Variants in TASP1 observed in about 807,000 individuals in gnomAD.
TASP1 encodes threonine aspartase 1.
Under a neutral mutation model 56.6 loss-of-function variants are expected in TASP1, and 16 were observed. The ratio of observed to expected loss-of-function variants is 0.28; its 90% confidence interval spans 0.19 to 0.43. The LOEUF (loss-of-function observed/expected upper bound fraction) is 0.43. TASP1 is among the 20% of genes least tolerant of loss of function. The probability of loss-of-function intolerance (pLI) is 1.00; values close to 1 mark genes in which losing one functional copy is unlikely to be tolerated. For missense variants in TASP1, 393 were observed against 511.6 expected (o/e 0.77, Z 2.24); for synonymous variants, 179 against 184.2 (o/e 0.97, Z 0.23).
At chr20:13,495,400 T>C (rs1422068524) in intron 10 of TASP1, among the ~76,000 whole-genome samples, 4 of 152,186 alleles carry the variant, frequency 2.6e-5, no homozygotes, top group African/African-American at 9.6e-5. Flanking sequence ...TCATTGCTTA[T>C]CCCTTTCTCT....
At chr20:13,390,824 T>A (rs2041243826) in intron 13 of TASP1, among the ~76,000 whole-genome samples, 1 of 152,214 alleles carries the variant, frequency 6.6e-6, no homozygotes, top group African/African-American at 2.4e-5. Context: ...GTAATTTGTA[T>A]ATGTTTTGTC....
At chr20:13,616,642 TAA>T (rs542480237) in intron 4 of TASP1, among the ~76,000 whole-genome samples, 1 of 144,778 alleles carries the variant, frequency 6.9e-6, no homozygotes. Context: ...TTTTATTCTT[TAA>T]AAAAAAAAAA....
At chr20:13,356,189 T>C in the TASP1 span, among the ~76,000 whole-genome samples, 1 of 152,200 alleles carries the variant, frequency 6.6e-6, no homozygotes, top group Non-Finnish European at 1.5e-5. Flanking sequence ...GGATGTGCCA[T>C]TGAGATGTTA....
chr20:13,514,458 T>C (rs1255131592), intron 10 of TASP1, among the ~76,000 whole-genome samples: 2 of 152,076 alleles, frequency 1.3e-5, no homozygotes, highest in Non-Finnish European at 2.9e-5. Flanking sequence ...TTCTCCTCCA[T>C]AAGGAAAGGT....
chr20:13,390,160 TCACA>T lies in TASP1; in HGVS notation c.*196_*199del, dbSNP rs960474794. 73 of 547,782 alleles carry T rather than the reference TCACA, an allele frequency of 1.3e-4. No individual in the cohort carries two copies. Among genetic ancestry groups the T allele is most frequent in the Admixed American group, 1.2e-3 (40 of 32,568 alleles). 33.9% of individuals were successfully genotyped at this position (547,782 alleles called of 1,614,324 possible). A position where few individuals can be genotyped will look rare whatever the true frequency, so the allele number is the denominator to read the frequency against. On this transcript the variant is annotated 3_prime_UTR_variant, in exon 14 of 14. Transcript: ENST00000337743. Reference sequence around the variant, plus strand: ...TATGTGCGCACATACGCGCACACACTCACACACAGTCCCGCTCACCCACCAAAGG... The same window carrying T: ...TATGTGCGCACATACGCGCACACACTCACAGTCCCGCTCACCCACCAAAGG...
the TASP1 span, chr20:13,164,267 G>A: frequency 8.8e-6 from 4 of 456,228 alleles, no homozygotes; most frequent in Admixed American, 2.5e-5. Flanking sequence ...ACAGAGATGA[G>A]TATTTAAAAG....
At chr20:13,145,336 C>T in the TASP1 span, among the ~76,000 whole-genome samples, 5 of 152,138 alleles carry the variant, frequency 3.3e-5, no homozygotes, top group African/African-American at 1.2e-4. Flanking sequence ...CATTTCTATA[C>T]ACCAACAACA....
chr20:13,234,063 T>C, the TASP1 span, among the ~76,000 whole-genome samples: 139 of 152,304 alleles, frequency 9.1e-4, 2 homozygotes, highest in African/African-American at 3.3e-3. Flanking sequence ...AGTGTACTCA[T>C]CACCTGAGTA....
chr20:13,177,144 G>C, the TASP1 span, among the ~76,000 whole-genome samples: 1 of 152,110 alleles, frequency 6.6e-6, no homozygotes, highest in Non-Finnish European at 1.5e-5. Flanking sequence ...GGGAGGCTGA[G>C]GCAGGAGAAT....
downstream of TASP1, among the ~76,000 whole-genome samples, chr20:13,384,590 A>G (rs1052232582): frequency 6.6e-6 from 1 of 152,170 alleles, no homozygotes; most frequent in African/African-American, 2.4e-5. Flanking sequence ...CTTGAATGCA[A>G]ATTAAGTGCT....
At chr20:13,345,876 G>T in the TASP1 span, among the ~76,000 whole-genome samples, 3 of 145,856 alleles carry the variant, frequency 2.1e-5, no homozygotes, top group East Asian at 4.1e-4. Flanking sequence ...ACATACAGTT[G>T]GTCTCTTTGG....
chr20:13,579,014 G>A (rs1374786717), intron 6 of TASP1, among the ~76,000 whole-genome samples: 1 of 152,086 alleles, frequency 6.6e-6, no homozygotes, highest in Non-Finnish European at 1.5e-5. Flanking sequence ...ATTCGTAGGT[G>A]AACTTCAAAA....
At chr20:13,119,647 TTC>T in the TASP1 span, among the ~76,000 whole-genome samples, 29 of 152,306 alleles carry the variant, frequency 1.9e-4, no homozygotes, top group Middle Eastern at 3.4e-3. Flanking sequence ...CTCCCCACCT[TTC>T]TCTGTCTTCT....
the TASP1 span, chr20:13,117,619 G>A: frequency 2.4e-5 from 39 of 1,613,944 alleles, no homozygotes; most frequent in Middle Eastern, 3.3e-4. Context: ...CCAACCGGCC[G>A]GGGTGTCACG....
At chr20:13,394,585 C>T (rs1233720621) in intron 13 of TASP1, among the ~76,000 whole-genome samples, 1 of 151,304 alleles carries the variant, frequency 6.6e-6, no homozygotes, top group Admixed American at 6.6e-5. Context: ...GCATTCCAGC[C>T]TGGGCGACAG....
At chr20:13,384,823 T>A (rs1024416393), downstream of TASP1, among the ~76,000 whole-genome samples, 1 of 152,176 alleles carries the variant, frequency 6.6e-6, no homozygotes, top group African/African-American at 2.4e-5. Flanking sequence ...TACACAGGGA[T>A]TCATTGCTGC....
At chr20:13,216,635 A>T in the TASP1 span, among the ~76,000 whole-genome samples, 3 of 152,192 alleles carry the variant, frequency 2.0e-5, no homozygotes, top group African/African-American at 7.2e-5. Flanking sequence ...ATTGCCCCCT[A>T]GTTAGGGTAA....
intron 11 of TASP1, among the ~76,000 whole-genome samples, chr20:13,463,538 TAA>T (rs1374172775): frequency 6.6e-6 from 1 of 152,032 alleles, no homozygotes; most frequent in East Asian, 1.9e-4. Flanking sequence ...AAATTAAAAT[TAA>T]AAAGTTATTC....
Position 13,520,104 on chromosome 20 carries a change from T to C in TASP1, c.874+8329A>G, listed in dbSNP as rs552630239. ...CTCTTCAAGGAGAACTACAAACCAC[T>C]GCTCAATGAAATAAAACAGGATACA... On this transcript the variant is annotated intron_variant, in intron 10 of 13. Coordinates refer to ENST00000337743, the MANE Select transcript of TASP1 (RefSeq NM_017714.3). 2.0e-5 allele frequency among the ~76,000 whole-genome samples: 3 copies of C among 152,264 alleles called. No homozygotes were observed. The East Asian group carries it at 5.8e-4, about 29-fold the overall frequency.
Sources: gnomAD v4.1 joint callset for allele counts (sites outside exome capture counted in the v4.1 genomes callset) on GRCh38, gnomAD v4.1.1 for gene constraint, MANE v1.5 for transcripts, NCBI Gene and HGNC (gene_info 2026-07-23, HGNC 2026-07-21) for gene names.